ENPEP: variants seen among roughly 807,000 people sequenced by gnomAD.
The protein encoded by ENPEP is AP-A.
Under a neutral mutation model 114.5 loss-of-function variants are expected in ENPEP, and 103 were observed. The observed-to-expected ratio is 0.90, with a 90% CI of 0.77 to 1.06. The LOEUF (loss-of-function observed/expected upper bound fraction) is 1.06. Among genes scored for constraint, ENPEP ranks in the 50% least tolerant of loss-of-function variants. ENPEP has a pLI of 0.00. For synonymous variants in ENPEP, 420 were observed against 422.0 expected, an observed-to-expected ratio of 1.00 and a Z score of 0.06; for missense variants, 1,196 against 1,161.3, an observed-to-expected ratio of 1.03 and a Z score of -0.43.
At chr4:110,558,849 G>T (rs1727582030) in intron 18 of ENPEP, among the ~76,000 whole-genome samples, 1 of 152,104 alleles carries the variant, frequency 6.6e-6, no homozygotes. Flanking sequence ...TTCTGTCTTG[G>T]AATTTAGCTT....
chr4:110,492,097 A>C (rs908219437), intron 3 of ENPEP, among the ~76,000 whole-genome samples: 2 of 152,076 alleles, frequency 1.3e-5, no homozygotes, highest in South Asian at 2.1e-4. Context: ...TTTTGCTTAT[A>C]TCCTGAACAT....
chr4:110,506,885 A>G (rs986205823), intron 4 of ENPEP, 128 bp downstream of exon 4: 3 of 897,900 alleles, frequency 3.3e-6, no homozygotes, highest in Non-Finnish European at 4.9e-6. Flanking sequence ...CTATGCCGAC[A>G]ATATCTTGGG....
chr4:110,485,628 AC>A (rs1182707890), intron 1 of ENPEP, among the ~76,000 whole-genome samples: 1 of 152,178 alleles, frequency 6.6e-6, no homozygotes, highest in African/African-American at 2.4e-5. Flanking sequence ...CCAGTGCAGT[AC>A]CCAGTCTGGA....
Position 110,553,445 on chromosome 4 carries a change from C to T in ENPEP, c.2632C>T (p.Leu878=), listed in dbSNP as rs775854431. The T allele has an allele frequency of 1.9e-6, 3 of 1,608,928 alleles. No homozygotes were observed. Among genetic ancestry groups the T allele is most frequent in the Middle Eastern group, 1.7e-4 (1 of 6,040 alleles). The change falls in exon 18 of 20, where the codon CTA becomes TTA. Residue 878 remains leucine, a synonymous_variant. Coordinates refer to ENST00000265162, the MANE Select transcript of ENPEP (RefSeq NM_001977.4). ...WNWIQLNWDY[L]VNRYTLNNRN... is the part of the protein sequence containing the mutation. ...TTGGATACAACTCAACTGGGACTAT[C>T]TAGTCAACAGGTGGGATGATCTGAT... is the stretch of plus-strand genomic sequence containing the variant.
chr4:110,513,563 A>C lies in ENPEP; in HGVS notation c.1443+14A>C. 6.2e-7 allele frequency: 1 copy of C among 1,610,416 alleles called. No homozygotes were observed. The highest frequency in any genetic ancestry group is 8.5e-7 in the Non-Finnish European group (1 of 1,178,564). ...TCCTATAGCAAGGTGGGAGAAATAG[A>C]ACATTGTTTTGAACATCTTCCTGTT... is the stretch of plus-strand genomic sequence containing the variant. On this transcript the variant is annotated intron_variant, in intron 7 of 19. Coordinates refer to ENST00000265162, the MANE Select transcript of ENPEP (RefSeq NM_001977.4).
At chr4:110,483,193 A>C (rs1724379300) in intron 1 of ENPEP, among the ~76,000 whole-genome samples, 1 of 152,182 alleles carries the variant, frequency 6.6e-6, no homozygotes, top group Admixed American at 6.5e-5. Flanking sequence ...CATTCAAACC[A>C]CCATAAAAAT....
At chr4:110,500,536 T>C (rs1182939402) in intron 3 of ENPEP, among the ~76,000 whole-genome samples, 3 of 152,212 alleles carry the variant, frequency 2.0e-5, no homozygotes, top group Non-Finnish European at 4.4e-5. Context: ...ATAAACTTCA[T>C]ATTTATGTTT....
intron 10 of ENPEP, among the ~76,000 whole-genome samples, chr4:110,523,307 T>C (rs903335078): frequency 6.6e-6 from 1 of 152,208 alleles, no homozygotes; most frequent in Non-Finnish European, 1.5e-5. Flanking sequence ...TTGCTCTCTC[T>C]CACCTGCCGC....
At chr4:110,508,498 C>G (rs1725453952) in intron 4 of ENPEP, among the ~76,000 whole-genome samples, 1 of 152,162 alleles carries the variant, frequency 6.6e-6, no homozygotes, top group African/African-American at 2.4e-5. Context: ...CCTCTTCATT[C>G]TTTTATAAAA....
At chr4:110,541,009 C>T (rs1228837404) in intron 11 of ENPEP, among the ~76,000 whole-genome samples, 1 of 152,098 alleles carries the variant, frequency 6.6e-6, no homozygotes, top group Non-Finnish European at 1.5e-5. Context: ...AAAGTTCATG[C>T]TCTTTCTCCT....
intron 14 of ENPEP, 48 bp from the exon 15 acceptor site, chr4:110,549,298 T>A: frequency 7.2e-7 from 1 of 1,396,398 alleles, no homozygotes; most frequent in Non-Finnish European, 1.0e-6. Context: ...GGGATACTAC[T>A]GATATGTAGT....
chr4:110,517,900 T>C (rs1382064247), intron 8 of ENPEP, among the ~76,000 whole-genome samples: 2 of 152,212 alleles, frequency 1.3e-5, no homozygotes, highest in African/African-American at 4.8e-5. Flanking sequence ...AGTTCCATAG[T>C]TCACATAGTT....
At chr4:110,512,299 G>A (rs898433100) in intron 6 of ENPEP, among the ~76,000 whole-genome samples, 2 of 152,236 alleles carry the variant, frequency 1.3e-5, no homozygotes, top group East Asian at 1.9e-4. Flanking sequence ...ACAGAGATAG[G>A]TGGTAGCAAA....
At chr4:110,512,706 C>A (rs529559514) in intron 6 of ENPEP, 1 of 152,260 alleles carries the variant, frequency 6.6e-6, no homozygotes, top group South Asian at 2.1e-4. Context: ...AGGTACTATG[C>A]CAAGTACTAA....
At chr4:110,553,796 T>C (rs1727377852) in intron 18 of ENPEP, among the ~76,000 whole-genome samples, 1 of 152,034 alleles carries the variant, frequency 6.6e-6, no homozygotes, top group African/African-American at 2.4e-5. Context: ...TCTCAATTAA[T>C]GTTTGATTAA....
chr4:110,496,046 T>C (rs1057507213), intron 3 of ENPEP, among the ~76,000 whole-genome samples: 1 of 152,202 alleles, frequency 6.6e-6, no homozygotes, highest in African/African-American at 2.4e-5. Context: ...GATTATGTTG[T>C]ACTTTCTTCC....
chr4:110,532,831 T>C (rs1251951212), intron 11 of ENPEP, among the ~76,000 whole-genome samples: 1 of 152,180 alleles, frequency 6.6e-6, no homozygotes, highest in Non-Finnish European at 1.5e-5. Context: ...AATTCCCAGA[T>C]CAATGCCACT....
chr4:110,545,400 T>A (rs1044989584), intron 13 of ENPEP, among the ~76,000 whole-genome samples: 3 of 152,074 alleles, frequency 2.0e-5, no homozygotes, highest in African/African-American at 7.2e-5. Context: ...CATAATTTTC[T>A]CAGTCAAGTA....
chr4:110,544,047 AT>A (rs1356952049), intron 13 of ENPEP, among the ~76,000 whole-genome samples: 2 of 152,074 alleles, frequency 1.3e-5, no homozygotes, highest in African/African-American at 4.8e-5. Flanking sequence ...TACTAAAGGC[AT>A]GGGGAAACTA....
Sources: gnomAD v4.1 joint callset for allele counts (sites outside exome capture counted in the v4.1 genomes callset) on GRCh38, gnomAD v4.1.1 for gene constraint, MANE v1.5 for transcripts, NCBI Gene and HGNC (gene_info 2026-07-23, HGNC 2026-07-21) for gene names.